ITGA11: variants seen among roughly 807,000 people sequenced by gnomAD.
The protein encoded by ITGA11 is integrin subunit alpha 11.
ITGA11 carries 97 observed loss-of-function variants against 141.9 expected under a neutral mutation model. The observed-to-expected ratio is 0.68, with a 90% CI of 0.58 to 0.81. The LOEUF (loss-of-function observed/expected upper bound fraction) is 0.81. ITGA11 is among the 30% of genes least tolerant of loss of function. The pLI, the probability that ITGA11 is intolerant of heterozygous loss-of-function variation, is 0.00. For synonymous variants in ITGA11, 658 were observed against 624.6 expected (o/e 1.05, Z -0.80); for missense variants, 1,387 against 1,559.2 (o/e 0.89, Z 1.86).
intron 2 of ITGA11, among the ~76,000 whole-genome samples, chr15:68,370,019 A>C (rs1052534952): frequency 6.6e-6 from 1 of 152,180 alleles, no homozygotes; most frequent in Non-Finnish European, 1.5e-5. Flanking sequence ...ACAGAGGCAG[A>C]GTTAGGAGAT....
chr15:68,426,186 G>A (rs568588632), intron 1 of ITGA11, among the ~76,000 whole-genome samples: 1 of 152,312 alleles, frequency 6.6e-6, no homozygotes, highest in East Asian at 1.9e-4. Context: ...TTATTCCTTG[G>A]GCTCAAGGCA....
rs1038421091 is a variant in ITGA11, at chr15:68,324,560, C to A, written c.2322+571G>T. On this transcript the variant is annotated intron_variant, in intron 18 of 29. Transcript: ENST00000315757. This position sits in a 1 kb window ranked among gnomAD's most constrained non-coding sequence, Gnocchi z 6.3. ...TACATGGAGTTGCGGCTGCAGGGAG[C>A]ATTTGAATGTTAGATGTCAAACATT... Among the ~76,000 whole-genome samples the A allele has an allele frequency of 6.6e-6, 1 of 152,142 alleles. No homozygotes were observed. The highest frequency in any genetic ancestry group is 2.4e-5 in the African/African-American group (1 of 41,420).
intron 23 of ITGA11, 53 bp downstream of exon 23, chr15:68,313,719 GCCTCCCT>G: frequency 7.4e-7 from 1 of 1,342,398 alleles, no homozygotes; most frequent in Non-Finnish European, 1.1e-6. Flanking sequence ...CCCCCCTTAG[GCCTCCCT>G]CCTCCCATTC....
intron 2 of ITGA11, among the ~76,000 whole-genome samples, chr15:68,372,930 G>A (rs908987616): frequency 1.3e-5 from 2 of 152,294 alleles, no homozygotes; most frequent in South Asian, 2.1e-4. Context: ...CTAATTATGT[G>A]TAAGTGTATA....
intron 20 of ITGA11, among the ~76,000 whole-genome samples, chr15:68,317,912 G>A (rs141773466): frequency 3.9e-5 from 6 of 152,272 alleles, no homozygotes; most frequent in Admixed American, 6.5e-5. Flanking sequence ...GTGTGTCTGC[G>A]TGTCAGTGCA....
intron 3 of ITGA11, among the ~76,000 whole-genome samples, chr15:68,367,487 T>C (rs995606276): frequency 6.6e-6 from 1 of 152,168 alleles, no homozygotes; most frequent in African/African-American, 2.4e-5. Context: ...AAAAACTACC[T>C]GCTCAGAGAA....
intron 2 of ITGA11, among the ~76,000 whole-genome samples, chr15:68,396,360 C>T (rs925332273): frequency 4.6e-5 from 7 of 151,844 alleles, no homozygotes; most frequent in African/African-American, 1.5e-4. Flanking sequence ...AAATTCAGCA[C>T]CTGTTCATAA....
chr15:68,325,031 G>T lies in ITGA11; in HGVS notation c.2322+100C>A. On this transcript the variant is annotated intron_variant, in intron 18 of 29. Coordinates refer to ENST00000315757, the MANE Select transcript of ITGA11 (RefSeq NM_001004439.2). The surrounding 1 kb of genome is among the most constrained non-coding windows in gnomAD (Gnocchi z 5.5). ...GTGGGAAGGTGAGATGAGGGATGGT[G>T]TCCTCTGTACCCGGCACACTCAGGC... The T allele has an allele frequency of 1.2e-6, 1 of 856,852 alleles. No individual in the cohort carries two copies. The highest frequency in any genetic ancestry group is 2.0e-6 in the Non-Finnish European group (1 of 505,500). The allele number at this position is 856,852 out of a possible 1,614,324, so 53.1% of individuals were successfully genotyped here. A position where few individuals can be genotyped will look rare whatever the true frequency, so the allele number is the denominator to read the frequency against.
In ITGA11 at chr15:68,348,101, T is replaced by C. The variant is rs8031003; in HGVS notation, c.1131+729A>G. On this transcript the variant is annotated intron_variant, in intron 10 of 29. Transcript: ENST00000315757. Reference sequence around the variant, plus strand: ...GCATATTCACAGACATCGACTCTTCTGTCCCCCTTGCAGTCCTGGGAGGCT... The same window carrying C: ...GCATATTCACAGACATCGACTCTTCCGTCCCCCTTGCAGTCCTGGGAGGCT... Among the ~76,000 whole-genome samples the C allele has an allele frequency of 4.0e-3, 614 of 152,348 alleles. 7 individuals are homozygous for C. The highest frequency in any genetic ancestry group is 0.014 in the African/African-American group (568 of 41,576).
chr15:68,408,387 T>A (rs1265655208), intron 1 of ITGA11, among the ~76,000 whole-genome samples: 3 of 152,152 alleles, frequency 2.0e-5, no homozygotes, highest in Non-Finnish European at 2.9e-5. Context: ...GATGTGACTG[T>A]CTGATTACTC....
Position 68,311,233 on chromosome 15 carries a change from G to A in ITGA11, c.3087+57C>T, listed in dbSNP as rs1893371102. The A allele has an allele frequency of 3.8e-6, 5 of 1,319,124 alleles. No individual in the cohort carries two copies. The African/African-American group carries it at 4.4e-5, about 12-fold the overall frequency. The allele number at this position is 1,319,124 out of a possible 1,614,324, so 81.7% of individuals were successfully genotyped here. A position where few individuals can be genotyped will look rare whatever the true frequency, so the allele number is the denominator to read the frequency against. The stretch of plus-strand genomic sequence containing the variant: ...TGGGAACCTGGGGACACACGTAGGG[G>A]GAGTGTCTGTCTCCTTCTGGTCCCC... On this transcript the variant is annotated intron_variant, in intron 25 of 29. Transcript: ENST00000315757.
chr15:68,351,970 C>G (rs1037695053), intron 7 of ITGA11, among the ~76,000 whole-genome samples: 3 of 151,936 alleles, frequency 2.0e-5, no homozygotes, highest in Admixed American at 2.0e-4. Context: ...GTAATCCCAA[C>G]TACTCGGGAG....
In ITGA11 at chr15:68,363,949, C is replaced by T. The variant is rs146386221; in HGVS notation, c.357+758G>A. On this transcript the variant is annotated intron_variant, in intron 4 of 29. Transcript: ENST00000315757. ...TATTAGACATTACTCGTTTGCTTGT[C>T]GCCTCTCTTTCCACCACAGTGTAAG... 2.2e-3 allele frequency among the ~76,000 whole-genome samples: 336 copies of T among 152,292 alleles called. 3 individuals carry two copies. Among genetic ancestry groups the T allele is most frequent in the African/African-American group, 7.8e-3 (323 of 41,570 alleles).
chr15:68,325,244 G>GC lies in ITGA11; in HGVS notation c.2212-4_2212-3insG, dbSNP rs1893937585. On this transcript the variant is annotated splice_region_variant and splice_polypyrimidine_tract_variant and intron_variant, in intron 17 of 29. Transcript: ENST00000315757. This position sits in a 1 kb window ranked among gnomAD's most constrained non-coding sequence, Gnocchi z 5.5. ...GGCTTCACGTAGTCAGCAGTGTCCTGGGGGGTGGAGATGAGGGCAGCGGTG... is the reference window on the plus strand; with the variant it reads ...GGCTTCACGTAGTCAGCAGTGTCCTGCGGGGGTGGAGATGAGGGCAGCGGTG... 6.2e-7 allele frequency: 1 copy of GC among 1,601,880 alleles called. No homozygotes were observed. The highest frequency in any genetic ancestry group is 1.3e-5 in the African/African-American group (1 of 74,800).
chr15:68,358,321 T>C (rs1895132124), intron 6 of ITGA11, 137 bp downstream of exon 6: 1 of 868,240 alleles, frequency 1.2e-6, no homozygotes, highest in Non-Finnish European at 1.7e-6. Flanking sequence ...GCCCCAGTGC[T>C]GGCTGGCCCT....
At chr15:68,309,420 T>TTGA (rs1893306497) in intron 26 of ITGA11, among the ~76,000 whole-genome samples, 1 of 152,128 alleles carries the variant, frequency 6.6e-6, no homozygotes, top group Non-Finnish European at 1.5e-5. Flanking sequence ...CAAAGGGACT[T>TTGA]CAAAAAGTTT....
rs770464999 is a variant in ITGA11 at position 68,311,336 on chromosome 15, C to T, written c.3041G>A (p.Arg1014Lys). Reference protein sequence around the residue: ...MMKITIPIATRSGNRLLKLRD... With the variant: ...MMKITIPIATKSGNRLLKLRD... ...CAGCTTCAGTAGGCGGTTGCCGCTC[C>T]TGGTGGCGATGGGAATGGTGATCTT... The change falls in exon 25 of 30, where the codon AGG becomes AAG. Residue 1014 changes from arginine (R) to lysine (K), a missense_variant. By Grantham distance (26) the Arg-to-Lys change is conservative. Coordinates refer to ENST00000315757, the MANE Select transcript of ITGA11 (RefSeq NM_001004439.2). 6.3e-7 allele frequency: 1 copy of T among 1,579,398 alleles called. No homozygotes were observed. The highest frequency in any genetic ancestry group is 1.2e-5 in the South Asian group (1 of 86,196).
At chr15:68,412,623 G>T (rs1896800355) in intron 1 of ITGA11, among the ~76,000 whole-genome samples, 1 of 150,876 alleles carries the variant, frequency 6.6e-6, no homozygotes, top group Non-Finnish European at 1.5e-5. Flanking sequence ...TTGGGTCAAA[G>T]GTGGTGTGTA....
intron 2 of ITGA11, 130 bp downstream of exon 2, chr15:68,402,788 G>C: frequency 1.6e-6 from 1 of 630,834 alleles, no homozygotes; most frequent in Non-Finnish European, 2.9e-6. Context: ...TGCTGGGACA[G>C]AGTCAAGTCA....
Sources: gnomAD v4.1 joint callset for allele counts (sites outside exome capture counted in the v4.1 genomes callset) on GRCh38, gnomAD v4.1.1 for gene constraint, Gnocchi (gnomAD v3.1) non-coding constraint, MANE v1.5 for transcripts, NCBI Gene and HGNC (gene_info 2026-07-23, HGNC 2026-07-21) for gene names.